Variants in ZFYVE21 observed in about 807,000 individuals in gnomAD.
ZFYVE21 encodes the protein zinc finger FYVE domain-containing protein 21.
In ZFYVE21, 21 loss-of-function variants were observed where a neutral mutation model predicts 29.5. The ratio of observed to expected loss-of-function variants is 0.71; its 90% CI spans 0.50 to 1.02. The LOEUF (loss-of-function observed/expected upper bound fraction) is 1.02, where lower values mean the gene tolerates loss of function less well. Among genes scored for constraint, ZFYVE21 ranks in the 50% least tolerant of loss-of-function variants. ZFYVE21 has a pLI of 0.00. For synonymous variants in ZFYVE21, 151 were observed against 133.8 expected (o/e 1.13, Z -0.89); for missense variants, 326 against 335.4 (o/e 0.97, Z 0.22).
At chr14:103,732,789 G>A (rs1484898899) in intron 6 of ZFYVE21, 27 bp downstream of exon 6, 1 of 1,607,700 alleles carries the variant, frequency 6.2e-7, no homozygotes, top group Admixed American at 1.7e-5. Flanking sequence ...CAGGGAGGCT[G>A]GGCCCTTTGG....
rs975751811 is a variant in ZFYVE21, at chr14:103,727,310, C to T, written c.190-436C>T. 2.2e-5 allele frequency: 8 copies of T among 366,710 alleles called. No individual in the cohort carries two copies. The East Asian group carries it at 5.8e-4, about 27-fold the overall frequency. 22.7% of individuals were successfully genotyped at this position (366,710 alleles called of 1,614,324 possible). A position where few individuals can be genotyped will look rare whatever the true frequency, so the allele number is the denominator to read the frequency against. On this transcript the variant is annotated intron_variant, in intron 2 of 6. Coordinates refer to ENST00000311141, the MANE Select transcript of ZFYVE21 (RefSeq NM_024071.4). The stretch of plus-strand genomic sequence containing the variant: ...GTGGAAAGTGACTGTGCTGATTCTG[C>T]CGGACGCTATGGGGTGGGGGTGCAG...
At chr14:103,728,095 G>C (rs2083945312) in intron 3 of ZFYVE21, 181 bp downstream of exon 3, 5 of 643,028 alleles carry the variant, frequency 7.8e-6, no homozygotes, top group Non-Finnish European at 1.2e-5. Context: ...CTTCTTTTCA[G>C]AGGCGGAATG....
At chr14:103,722,966 G>C (rs1196569832) in intron 1 of ZFYVE21, among the ~76,000 whole-genome samples, 1 of 152,200 alleles carries the variant, frequency 6.6e-6, no homozygotes, top group African/African-American at 2.4e-5. Flanking sequence ...GTTATATTTA[G>C]AAATTGGCCT....
chr14:103,726,804 A>G lies in ZFYVE21; in HGVS notation c.151A>G (p.Met51Val), dbSNP rs2151952183. The G allele has an allele frequency of 1.2e-6, 2 of 1,614,034 alleles. No individual in the cohort carries two copies. Among genetic ancestry groups the G allele is most frequent in the Non-Finnish European group, 1.7e-6 (2 of 1,179,934 alleles). ...GTGTCTTTCCTAGTGTCGGAGATGT[A>G]TGCAGTGTGACGCCAAGTTTGACTT... ...WVPDKECRRC[M>V]QCDAKFDFLT... Residue 51 changes from methionine to valine, a missense_variant, in exon 2 of 7, where the codon ATG (methionine) becomes GTG (valine). Physicochemically the swap from Met to Val is conservative, Grantham distance 21. Transcript: ENST00000311141.
intron 2 of ZFYVE21, 166 bp from the exon 3 acceptor site, chr14:103,727,580 T>C (rs1244849880): frequency 6.0e-6 from 5 of 832,060 alleles, no homozygotes; most frequent in African/African-American, 1.7e-5. Context: ...CCCCGCTGCG[T>C]GGTGGGGAGC....
chr14:103,724,106 G>A (rs757848328), intron 1 of ZFYVE21, among the ~76,000 whole-genome samples: 4 of 152,226 alleles, frequency 2.6e-5, no homozygotes, highest in Non-Finnish European at 4.4e-5. Flanking sequence ...TGGAGGATCC[G>A]TGGCTGGGCC....
At position 103,730,045 on chromosome 14, in the gene ZFYVE21, G is replaced by T. The variant is rs2083960466; in HGVS notation, c.526+863G>T. On this transcript the variant is annotated intron_variant, in intron 5 of 6. Coordinates refer to ENST00000311141, the MANE Select transcript of ZFYVE21 (RefSeq NM_024071.4). ...CATAAATGAAGATACCGCAGCAGAT[G>T]TACTTTCTCAGTTCTGTCTCAGCGG... The T allele has an allele frequency of 4.8e-6, 3 of 622,144 alleles. No individual in the cohort carries two copies. The East Asian group carries it at 8.8e-5, about 18-fold the overall frequency. 38.5% of individuals were successfully genotyped at this position (622,144 alleles called of 1,614,324 possible).
intron 1 of ZFYVE21, among the ~76,000 whole-genome samples, chr14:103,720,910 C>A (rs908760126): frequency 3.3e-5 from 5 of 152,188 alleles, no homozygotes; most frequent in Non-Finnish European, 7.3e-5. Flanking sequence ...TCAGCCTTCA[C>A]CTCCCGGGTT....
chr14:103,732,793 C>T, intron 6 of ZFYVE21, 31 bp downstream of exon 6: 2 of 1,606,772 alleles, frequency 1.2e-6, no homozygotes, highest in Non-Finnish European at 1.7e-6. Flanking sequence ...GAGGCTGGGC[C>T]CTTTGGCTTA....
intron 6 of ZFYVE21, 96 bp from the exon 7 acceptor site, chr14:103,732,887 G>A (rs1464851334): frequency 1.3e-5 from 21 of 1,604,320 alleles, no homozygotes; most frequent in Non-Finnish European, 1.7e-5. Context: ...CTCAGCTGGG[G>A]TGCCCACGCC....
chr14:103,720,781 C>A (rs1012102883), intron 1 of ZFYVE21, among the ~76,000 whole-genome samples: 1 of 152,112 alleles, frequency 6.6e-6, no homozygotes, highest in African/African-American at 2.4e-5. Flanking sequence ...GAGCTCCATG[C>A]TGGTGTCTGC....
In ZFYVE21 at chr14:103,719,519, C is replaced by T. The variant is rs546772182; in HGVS notation, c.138+3540C>T. 2.0e-5 allele frequency among the ~76,000 whole-genome samples: 3 copies of T among 150,032 alleles called. No individual in the cohort carries two copies. The South Asian group carries it at 6.3e-4, about 32-fold the overall frequency. On this transcript the variant is annotated intron_variant, in intron 1 of 6. Transcript: ENST00000311141. The stretch of plus-strand genomic sequence containing the variant: ...TCCAGTTGATCATGAGGAGAAATGG[C>T]CAGTGTTTTCTGAGGCAGAGAATGG...
intron 1 of ZFYVE21, among the ~76,000 whole-genome samples, chr14:103,723,387 C>A (rs943336432): frequency 2.0e-5 from 3 of 152,200 alleles, no homozygotes; most frequent in African/African-American, 7.2e-5. Flanking sequence ...GCCCACAGCC[C>A]GTGGGCAGGG....
chr14:103,733,552 G>C lies in ZFYVE21; in HGVS notation c.*534G>C, dbSNP rs1280534367. 6.5e-6 allele frequency: 1 copy of C among 153,380 alleles called. No homozygotes were observed. Among genetic ancestry groups the C allele is most frequent in the Non-Finnish European group, 1.5e-5 (1 of 68,590 alleles). 9.5% of individuals were successfully genotyped at this position (153,380 alleles called of 1,614,324 possible). On this transcript the variant is annotated 3_prime_UTR_variant, in exon 7 of 7. Transcript: ENST00000311141. ...GAGTGATCCTTTGATACTTCACCAAGGGGAACGTGGGGGCTTTGTGTTTTG... is the reference window on the plus strand; with the variant it reads ...GAGTGATCCTTTGATACTTCACCAACGGGAACGTGGGGGCTTTGTGTTTTG...
At chr14:103,726,570 T>C in intron 1 of ZFYVE21, 1 of 579,320 alleles carries the variant, frequency 1.7e-6, no homozygotes, top group Non-Finnish European at 3.1e-6. Flanking sequence ...GCTGGGTGCA[T>C]CTCCCGCAGG....
chr14:103,732,743 G>C lies in ZFYVE21; in HGVS notation c.650G>C (p.Trp217Ser). 1 of 1,612,750 alleles carries C rather than the reference G, an allele frequency of 6.2e-7. No individual in the cohort carries two copies. Among genetic ancestry groups the C allele is most frequent in the Non-Finnish European group, 8.5e-7 (1 of 1,179,574 alleles). ...GTGGGCAGGAGGCAGGCGGTGGCGT[G>C]GCTAGTGGCCATGCACAAGGTACCT... ...VTVGRRQAVA[W>S]LVAMHKAAKL... Residue 217 changes from tryptophan to serine, a missense_variant, in exon 6 of 7, where the codon TGG becomes TCG. Physicochemically the swap from Trp to Ser is radical, Grantham distance 177. Transcript: ENST00000311141.
chr14:103,727,629 C>A (rs759251548), intron 2 of ZFYVE21, 117 bp from the exon 3 acceptor site: 3 of 1,370,014 alleles, frequency 2.2e-6, no homozygotes, highest in Non-Finnish European at 3.0e-6. Flanking sequence ...GTGCAGCGGC[C>A]GGCACAGGGG....
chr14:103,726,968 G>C, intron 2 of ZFYVE21, 126 bp downstream of exon 2: 1 of 468,176 alleles, frequency 2.1e-6, no homozygotes, highest in Non-Finnish European at 3.1e-6. Flanking sequence ...TTTTTGAGAC[G>C]GAGTTTCGCT....
At position 103,716,194 on chromosome 14, in the gene ZFYVE21, C is replaced by T. The variant is rs1278827675; in HGVS notation, c.138+215C>T. On this transcript the variant is annotated intron_variant, in intron 1 of 6. Transcript: ENST00000311141. The surrounding 1 kb of genome is among the most constrained non-coding windows in gnomAD (Gnocchi z 4.8). ...GGAGGGCGGGAGGCGCGCGGTGTCC[C>T]GGTGCGGGGGTCCCGGGAGGGCAGG... is the stretch of plus-strand genomic sequence containing the variant. 1.3e-5 allele frequency among the ~76,000 whole-genome samples: 2 copies of T among 151,700 alleles called. No homozygotes were observed. The highest frequency in any genetic ancestry group is 2.4e-5 in the African/African-American group (1 of 41,358).
Sources: allele counts gnomAD v4.1 joint callset (sites outside exome capture counted in the v4.1 genomes callset), GRCh38; gene constraint gnomAD v4.1.1; non-coding constraint Gnocchi (gnomAD v3.1); transcripts MANE v1.5; gene names NCBI Gene and HGNC (gene_info 2026-07-23, HGNC 2026-07-21).